The following CCDC68 variants were observed in gnomAD, a reference collection of about 807,000 sequenced individuals.
The protein encoded by CCDC68 is coiled-coil domain-containing protein 68.
In CCDC68, 45 loss-of-function variants were observed where a neutral mutation model predicts 47.1. The observed-to-expected ratio is 0.96, with a 90% CI of 0.75 to 1.23. CCDC68 has a LOEUF of 1.23. CCDC68 is among the 50% of genes most tolerant of loss of function. CCDC68 has a pLI of 0.00. For missense variants in CCDC68, 353 were observed against 373.6 expected (o/e 0.94, Z 0.45); for synonymous variants, 131 against 129.5 (o/e 1.01, Z -0.08).
At chr18:54,926,336 C>T (rs538752780) in intron 8 of CCDC68, among the ~76,000 whole-genome samples, 95 of 152,256 alleles carry the variant, frequency 6.2e-4, no homozygotes, top group African/African-American at 1.5e-3. Flanking sequence ...CTTCACATGG[C>T]GGGCCAAAAC....
chr18:54,930,662 CCTTCCTTCCT>C, intron 7 of CCDC68, among the ~76,000 whole-genome samples: 3 of 29,646 alleles, frequency 1.0e-4, no homozygotes, highest in African/African-American at 3.1e-4. Flanking sequence ...TCCCTTCCTT[CCTTCCTTCCT>C]TCCCTCCCTC....
intron 4 of CCDC68, 77 bp from the exon 5 acceptor site, chr18:54,938,174 G>A: frequency 7.4e-7 from 1 of 1,359,244 alleles, no homozygotes; most frequent in Non-Finnish European, 9.9e-7. Context: ...TGATCATTTA[G>A]TATTACATAT....
At position 54,907,889 on chromosome 18, in the gene CCDC68, C is replaced by G. The variant is rs1034889994; in HGVS notation, c.874-27G>C. 1.5e-5 allele frequency: 19 copies of G among 1,275,566 alleles called. No homozygotes were observed. The Middle Eastern group carries it at 5.5e-4, about 37-fold the overall frequency. The allele number at this position is 1,275,566 out of a possible 1,614,324, so 79.0% of individuals were successfully genotyped here. A position where few individuals can be genotyped will look rare whatever the true frequency, so the allele number is the denominator to read the frequency against. On this transcript the variant is annotated intron_variant, in intron 10 of 11. Coordinates refer to ENST00000591504, the MANE Select transcript of CCDC68 (RefSeq NM_025214.3). Reference sequence around the variant, plus strand: ...TAAAATTGAAAAAAAATGCAGACGTCAAATAGCTAACACATTTATTAGCTA... The same window carrying G: ...TAAAATTGAAAAAAAATGCAGACGTGAAATAGCTAACACATTTATTAGCTA...
chr18:54,908,225 G>A (rs866484570), intron 10 of CCDC68, among the ~76,000 whole-genome samples: 25 of 152,164 alleles, frequency 1.6e-4, no homozygotes, highest in Admixed American at 3.3e-4. Context: ...TCACATGTTC[G>A]TCTTTCTTTT....
intron 1 of CCDC68, among the ~76,000 whole-genome samples, chr18:54,946,844 T>TA (rs373013637): frequency 2.6e-5 from 4 of 151,666 alleles, no homozygotes; most frequent in Non-Finnish European, 5.9e-5. Context: ...TTTTTTTTTT[T>TA]AAATGCCTGC....
At chr18:54,912,059 T>A (rs1914401280) in intron 10 of CCDC68, among the ~76,000 whole-genome samples, 1 of 152,218 alleles carries the variant, frequency 6.6e-6, no homozygotes. Context: ...TTTATTGACA[T>A]AGTTTTCACA....
intron 1 of CCDC68, among the ~76,000 whole-genome samples, chr18:54,952,400 A>C (rs1419409530): frequency 6.6e-6 from 1 of 152,248 alleles, no homozygotes; most frequent in Non-Finnish European, 1.5e-5. Flanking sequence ...TTTTAGCTTG[A>C]ACATAATTTA....
intron 6 of CCDC68, among the ~76,000 whole-genome samples, chr18:54,935,397 GTTCTGAAC>G (rs2044327145): frequency 6.6e-6 from 1 of 152,208 alleles, no homozygotes; most frequent in Non-Finnish European, 1.5e-5. Context: ...AGCAGGGGTT[GTTCTGAAC>G]CATCATAGGA....
At chr18:54,930,998 G>C (rs1599060835) in intron 7 of CCDC68, among the ~76,000 whole-genome samples, 1 of 151,836 alleles carries the variant, frequency 6.6e-6, no homozygotes, top group Non-Finnish European at 1.5e-5. Context: ...GATTACAGGT[G>C]TAAGCCACTG....
chr18:54,938,163 A>G (rs575324855), intron 4 of CCDC68, 66 bp from the exon 5 acceptor site: 1 of 1,499,160 alleles, frequency 6.7e-7, no homozygotes, highest in South Asian at 1.3e-5. Flanking sequence ...GACAACAATA[A>G]TGATCATTTA....
In CCDC68 at chr18:54,919,304, G is replaced by C; in HGVS notation, c.756C>G (p.Ser252=). ...QISHLQFVIH[S]QHQNLRSVIQ... is the part of the protein sequence containing the mutation. ...TGACACTGCGCAGGTTCTGATGTTGGGAGTGAATCACAAACTGCAGATGAG... is the reference window on the plus strand; with the variant it reads ...TGACACTGCGCAGGTTCTGATGTTGCGAGTGAATCACAAACTGCAGATGAG... The change falls in exon 9 of 12, where the codon TCC becomes TCG. Residue 252 remains serine (S), a synonymous_variant. Coordinates refer to ENST00000591504, the MANE Select transcript of CCDC68 (RefSeq NM_025214.3). 6.2e-7 allele frequency: 1 copy of C among 1,613,922 alleles called. No homozygotes were observed. The highest frequency in any genetic ancestry group is 8.5e-7 in the Non-Finnish European group (1 of 1,179,832).
intron 7 of CCDC68, among the ~76,000 whole-genome samples, chr18:54,931,354 C>T (rs2044257880): frequency 6.6e-6 from 1 of 152,186 alleles, no homozygotes; most frequent in African/African-American, 2.4e-5. Flanking sequence ...GTGGGCAACC[C>T]CACTATTCCC....
rs1450982031 is a variant in CCDC68 at position 54,901,662 on chromosome 18, C to G, written c.*2696G>C. 1 of 152,126 alleles carries G rather than the reference C, an allele frequency of 6.6e-6. No homozygotes were observed. The highest frequency in any genetic ancestry group is 1.5e-5 in the Non-Finnish European group (1 of 68,022). The allele number at this position is 152,126 out of a possible 1,614,324, so 9.4% of individuals were successfully genotyped here. The stretch of plus-strand genomic sequence containing the variant: ...ATTTTATAATGATAATTTGTAACAA[C>G]ATATGTAATCAAGGTAGAACTAAGT... On this transcript the variant is annotated 3_prime_UTR_variant, in exon 12 of 12. Transcript: ENST00000591504.
rs1207541540 is a variant in CCDC68, at chr18:54,903,956, T to G, written c.*402A>C. ...CCTTCATACATATATATGCAGGAAA[T>G]GTATGTTCATTCATACACATATACA... On this transcript the variant is annotated 3_prime_UTR_variant, in exon 12 of 12. Transcript: ENST00000591504. 6.3e-6 allele frequency: 1 copy of G among 158,442 alleles called. No homozygotes were observed. Among genetic ancestry groups the G allele is most frequent in the Non-Finnish European group, 1.4e-5 (1 of 72,346 alleles). 9.8% of individuals were successfully genotyped at this position (158,442 alleles called of 1,614,324 possible). A position where few individuals can be genotyped will look rare whatever the true frequency, so the allele number is the denominator to read the frequency against.
rs2043937567 is a variant in CCDC68, at chr18:54,915,789, T to TGGGATTACA, written c.873+2123_873+2124insTGTAATCCC. The stretch of plus-strand genomic sequence containing the variant: ...ACTAAAAATACTAAAATCAGCCGAG[T>TGGGATTACA]GACATGGTGTGCGCCTGTAATCCCA... On this transcript the variant is annotated intron_variant, in intron 10 of 11. Coordinates refer to ENST00000591504, the MANE Select transcript of CCDC68 (RefSeq NM_025214.3). Among the ~76,000 whole-genome samples the TGGGATTACA allele has an allele frequency of 2.0e-5, 3 of 151,792 alleles. No homozygotes were observed. In the South Asian group the frequency reaches 6.3e-4, roughly 32 times the overall value.
rs143050786 is a variant in CCDC68, at chr18:54,911,842, T to C, written c.874-3980A>G. ...TTCAGTACCAAACAATACAAAAGCA[T>C]AGGAGTTATTATGTTAGACTCTCTT... is the stretch of plus-strand genomic sequence containing the variant. On this transcript the variant is annotated intron_variant, in intron 10 of 11. Coordinates refer to ENST00000591504, the MANE Select transcript of CCDC68 (RefSeq NM_025214.3). Among the ~76,000 whole-genome samples, 159 of 152,306 alleles carry C rather than the reference T, an allele frequency of 1.0e-3. 1 individual carries two copies. The highest frequency in any genetic ancestry group is 3.8e-3 in the African/African-American group (157 of 41,566).
chr18:54,954,056 C>CTTT (rs756335310), intron 1 of CCDC68, among the ~76,000 whole-genome samples: 1 of 89,914 alleles, frequency 1.1e-5, no homozygotes, highest in Admixed American at 1.5e-4. Context: ...TTCTTTCTTT[C>CTTT]TTTTTTTTTT....
intron 7 of CCDC68, among the ~76,000 whole-genome samples, chr18:54,931,726 C>T (rs2044265806): frequency 6.6e-6 from 1 of 152,094 alleles, no homozygotes; most frequent in Non-Finnish European, 1.5e-5. Flanking sequence ...TATTAAAATG[C>T]TCTTATTGGG....
chr18:54,953,453 G>A (rs2044652563), intron 1 of CCDC68, among the ~76,000 whole-genome samples: 1 of 151,708 alleles, frequency 6.6e-6, no homozygotes, highest in Non-Finnish European at 1.5e-5. Flanking sequence ...AATTGGATTT[G>A]TTTTTCTTCA....
Sources: gnomAD v4.1 joint callset for allele counts (sites outside exome capture counted in the v4.1 genomes callset) on GRCh38, gnomAD v4.1.1 for gene constraint, MANE v1.5 for transcripts, NCBI Gene and HGNC (gene_info 2026-07-23, HGNC 2026-07-21) for gene names.